The following PCDH9 variants were observed in gnomAD, a reference collection of about 807,000 sequenced individuals.
PCDH9 encodes the protein protocadherin-9.
A neutral mutation model predicts 70.6 loss-of-function variants in PCDH9; 24 were observed. The observed-to-expected ratio is 0.34, with a 90% CI of 0.25 to 0.48. The LOEUF is 0.48. PCDH9 is among the 20% of genes least tolerant of loss of function. The pLI is 0.99. For missense variants in PCDH9, 1,281 were observed against 1,503.6 expected, an observed-to-expected ratio of 0.85 and a Z score of 2.45; for synonymous variants, 562 against 558.5, an observed-to-expected ratio of 1.01 and a Z score of -0.09.
chr13:66,446,402 A>G (rs1222569068), intron 4 of PCDH9, among the ~76,000 whole-genome samples: 1 of 152,124 alleles, frequency 6.6e-6, no homozygotes, highest in African/African-American at 2.4e-5. Context: ...GCCAATGTAT[A>G]GCAATTCCAT....
At chr13:66,589,774 A>G (rs1056170110) in intron 4 of PCDH9, among the ~76,000 whole-genome samples, 1 of 151,972 alleles carries the variant, frequency 6.6e-6, no homozygotes, top group African/African-American at 2.4e-5. Flanking sequence ...TCCAAATAAT[A>G]CTGCAGTTGA....
intron 4 of PCDH9, among the ~76,000 whole-genome samples, chr13:66,586,507 G>T (rs549809908): frequency 1.3e-5 from 2 of 152,142 alleles, no homozygotes; most frequent in South Asian, 4.2e-4. Context: ...AATGGTTGGG[G>T]CGCTCTTCCT....
chr13:66,997,998 A>ACTC (rs1469228970), intron 2 of PCDH9, among the ~76,000 whole-genome samples: 1 of 152,188 alleles, frequency 6.6e-6, no homozygotes, highest in African/African-American at 2.4e-5. Context: ...TTCTCTTAGC[A>ACTC]CTCACAATGC....
intron 2 of PCDH9, among the ~76,000 whole-genome samples, chr13:66,953,206 G>A (rs1458229560): frequency 2.1e-5 from 3 of 144,702 alleles, no homozygotes; most frequent in South Asian, 2.2e-4. Context: ...TCCATATAAC[G>A]TTCCACATGT....
At chr13:66,533,946 T>C (rs188373586) in intron 4 of PCDH9, among the ~76,000 whole-genome samples, 6 of 152,282 alleles carry the variant, frequency 3.9e-5, no homozygotes, top group Admixed American at 2.6e-4. Flanking sequence ...TCTTTAGATA[T>C]AGAAAATAAC....
At chr13:66,539,803 A>G (rs1398135517) in intron 4 of PCDH9, among the ~76,000 whole-genome samples, 1 of 151,332 alleles carries the variant, frequency 6.6e-6, no homozygotes, top group Admixed American at 6.6e-5. Flanking sequence ...TTTCTAAGAG[A>G]TACCCAAAAT....
At chr13:66,640,138 A>T (rs1470487910) in intron 3 of PCDH9, among the ~76,000 whole-genome samples, 1 of 152,232 alleles carries the variant, frequency 6.6e-6, no homozygotes, top group African/African-American at 2.4e-5. Context: ...TTAAATTATC[A>T]CTATTATTAG....
chr13:66,451,007 A>T (rs572241435), intron 4 of PCDH9, among the ~76,000 whole-genome samples: 2 of 152,190 alleles, frequency 1.3e-5, no homozygotes, highest in Admixed American at 6.5e-5. Context: ...ACAGAGCAAG[A>T]CTCCGTCTCA....
intron 2 of PCDH9, among the ~76,000 whole-genome samples, chr13:67,079,808 G>A (rs1273148782): frequency 2.0e-5 from 3 of 152,092 alleles, no homozygotes; most frequent in African/African-American, 7.2e-5. Context: ...TGTCACCTAT[G>A]AGGCTACATT....
At chr13:67,070,744 T>C (rs1024014660) in intron 2 of PCDH9, among the ~76,000 whole-genome samples, 1 of 152,180 alleles carries the variant, frequency 6.6e-6, no homozygotes, top group African/African-American at 2.4e-5. Context: ...CTGTGATCTG[T>C]AGTAGGTATT....
intron 4 of PCDH9, among the ~76,000 whole-genome samples, chr13:66,582,376 T>C (rs2095617): frequency 0.3 from 46,268 of 152,060 alleles, 7,182 homozygotes; most frequent in South Asian, 0.35. Flanking sequence ...TGGTGGCCTG[T>C]AATCCCAGCA....
At chr13:66,386,009 A>G (rs1478708482) in intron 4 of PCDH9, among the ~76,000 whole-genome samples, 14 of 150,458 alleles carry the variant, frequency 9.3e-5, no homozygotes, top group South Asian at 2.1e-4. Context: ...AAAAAAAAAA[A>G]GGGAAGAAAA....
intron 3 of PCDH9, among the ~76,000 whole-genome samples, chr13:66,834,721 A>C (rs2080987132): frequency 6.6e-6 from 1 of 152,208 alleles, no homozygotes; most frequent in South Asian, 2.1e-4. Context: ...ACACTCTATG[A>C]AAAGAAATAT....
intron 4 of PCDH9, among the ~76,000 whole-genome samples, chr13:66,625,285 C>A (rs967265500): frequency 6.6e-6 from 1 of 152,108 alleles, no homozygotes; most frequent in African/African-American, 2.4e-5. Flanking sequence ...AAGGAACAAA[C>A]CAACAAAATT....
At chr13:66,586,210 A>G (rs558159727) in intron 4 of PCDH9, among the ~76,000 whole-genome samples, 1 of 152,288 alleles carries the variant, frequency 6.6e-6, no homozygotes, top group Admixed American at 6.5e-5. Flanking sequence ...CAGCATAATG[A>G]CAGATTAATG....
intron 2 of PCDH9, among the ~76,000 whole-genome samples, chr13:66,939,010 A>G (rs964120252): frequency 2.6e-5 from 4 of 152,136 alleles, no homozygotes; most frequent in Admixed American, 2.6e-4. Flanking sequence ...AAAAAGGCAT[A>G]TCAATTTATT....
intron 4 of PCDH9, among the ~76,000 whole-genome samples, chr13:66,493,961 TAAC>T (rs202064045): frequency 0.011 from 1,713 of 152,246 alleles, 15 homozygotes; most frequent in Non-Finnish European, 0.016. Context: ...TCACTAATGA[TAAC>T]AATAGCAATA....
intron 3 of PCDH9, among the ~76,000 whole-genome samples, chr13:66,655,007 TG>T (rs1175239803): frequency 6.6e-6 from 1 of 152,102 alleles, no homozygotes. Context: ...ATTATAGGGG[TG>T]AGCCACCATA....
At chr13:66,967,692 T>A (rs2139739842) in intron 2 of PCDH9, among the ~76,000 whole-genome samples, 1 of 152,188 alleles carries the variant, frequency 6.6e-6, no homozygotes, top group East Asian at 1.9e-4. Context: ...CAAAAGTCTT[T>A]AAATCAGACT....
Sources: allele counts gnomAD v4.1 joint callset (sites outside exome capture counted in the v4.1 genomes callset), GRCh38; gene constraint gnomAD v4.1.1; transcripts MANE v1.5; gene names NCBI Gene and HGNC (gene_info 2026-07-23, HGNC 2026-07-21).